Variants in ZNG1F observed in about 807,000 individuals in gnomAD.
ZNG1F encodes Zn regulated GTPase metalloprotein activator 1F.
At chr9:41,132,340 T>G in the ZNG1F span, 1 of 1,604,630 alleles carries the variant, frequency 6.2e-7, no homozygotes, top group East Asian at 2.2e-5. Context: ...GTGATTTGTC[T>G]TTGATTGACA....
At chr9:41,197,228 A>ATT in the ZNG1F span, among the ~76,000 whole-genome samples, 87 of 16,804 alleles carry the variant, frequency 5.2e-3, 21 homozygotes, top group African/African-American at 7.2e-3. Context: ...ATCATTCATC[A>ATT]TTTTTTTTTT....
At chr9:41,193,021 C>T in the ZNG1F span, among the ~76,000 whole-genome samples, 1 of 151,144 alleles carries the variant, frequency 6.6e-6, no homozygotes, top group South Asian at 2.1e-4. Flanking sequence ...GTGTTAAGCA[C>T]ATTAAATGCA....
the ZNG1F span, among the ~76,000 whole-genome samples, chr9:41,154,943 G>A: frequency 1.4e-5 from 2 of 146,174 alleles, no homozygotes; most frequent in Non-Finnish European, 3.0e-5. Flanking sequence ...CATAGGCATG[G>A]GCAAGGACTT....
At chr9:41,138,147 T>C in the ZNG1F span, among the ~76,000 whole-genome samples, 1 of 138,276 alleles carries the variant, frequency 7.2e-6, no homozygotes, top group African/African-American at 2.9e-5. Context: ...TGTTTCAAGA[T>C]TTAGAGTTCC....
At chr9:41,157,443 C>A in the ZNG1F span, 1 of 134,070 alleles carries the variant, frequency 7.5e-6, no homozygotes. Context: ...CAGCCTGGCA[C>A]AGAGTGAGAC....
the ZNG1F span, among the ~76,000 whole-genome samples, chr9:41,187,150 CAT>C: frequency 2.5e-4 from 36 of 146,452 alleles, 1 homozygote; most frequent in Non-Finnish European, 3.5e-4. Flanking sequence ...CACTTTAAGA[CAT>C]AGTTCATTCA....
At chr9:41,155,862 T>C in the ZNG1F span, among the ~76,000 whole-genome samples, 7 of 113,618 alleles carry the variant, frequency 6.2e-5, no homozygotes, top group African/African-American at 1.0e-4. Flanking sequence ...AGGGATAGCA[T>C]TGGGAGATAT....
At chr9:41,138,100 C>T in the ZNG1F span, among the ~76,000 whole-genome samples, 1 of 139,930 alleles carries the variant, frequency 7.1e-6, no homozygotes, top group East Asian at 2.1e-4. Flanking sequence ...GATATTTATG[C>T]TTTAAAGAGG....
the ZNG1F span, chr9:41,132,596 T>C: frequency 9.9e-6 from 13 of 1,309,404 alleles, no homozygotes; most frequent in Non-Finnish European, 1.3e-5. Context: ...CCTTTTCTAA[T>C]GATAAAGTTA....
At chr9:41,176,695 TA>T in the ZNG1F span, 4 of 148,374 alleles carry the variant, frequency 2.7e-5, no homozygotes, top group Non-Finnish European at 6.0e-5. Context: ...GAGAGTGGAG[TA>T]TTAAAAATAT....
At chr9:41,180,644 G>T in the ZNG1F span, among the ~76,000 whole-genome samples, 5 of 85,134 alleles carry the variant, frequency 5.9e-5, no homozygotes, top group African/African-American at 1.9e-4. Context: ...TTACCTACTT[G>T]TGTGTGTGTG....
chr9:41,199,807 T>C, the ZNG1F span, among the ~76,000 whole-genome samples: 10 of 151,960 alleles, frequency 6.6e-5, 1 homozygote, highest in East Asian at 1.9e-4. Context: ...TTGACTTCTG[T>C]GCACCCGCAG....
chr9:41,138,822 TTTGA>T, the ZNG1F span, among the ~76,000 whole-genome samples: 1 of 124,620 alleles, frequency 8.0e-6, no homozygotes, highest in Non-Finnish European at 1.6e-5. Context: ...TTCCTAAAGT[TTTGA>T]TTGTTTTTTA....
chr9:41,203,143 C>G, the ZNG1F span, among the ~76,000 whole-genome samples: 13 of 152,248 alleles, frequency 8.5e-5, no homozygotes, highest in African/African-American at 3.1e-4. Context: ...AGGCACATGA[C>G]ATCCACCTGT....
At chr9:41,155,991 TAAA>T in the ZNG1F span, among the ~76,000 whole-genome samples, 13 of 122,720 alleles carry the variant, frequency 1.1e-4, 2 homozygotes, top group Non-Finnish European at 1.5e-4. Flanking sequence ...AATAAATAAA[TAAA>T]TTTAAAAAAA....
At chr9:41,183,749 T>C in the ZNG1F span, 1 of 1,587,590 alleles carries the variant, frequency 6.3e-7, no homozygotes, top group South Asian at 1.1e-5. Context: ...AACTCAATAA[T>C]GGAGATCTTA....
the ZNG1F span, among the ~76,000 whole-genome samples, chr9:41,186,666 C>G: frequency 1.9e-4 from 6 of 31,812 alleles, 2 homozygotes; most frequent in African/African-American, 4.1e-4. Context: ...TATTGTAGTT[C>G]AATTGTATGA....
At chr9:41,187,653 G>A in the ZNG1F span, among the ~76,000 whole-genome samples, 2 of 147,166 alleles carry the variant, frequency 1.4e-5, no homozygotes, top group Admixed American at 6.9e-5. Flanking sequence ...TTAGTCAGGA[G>A]GCTTTTAGAG....
chr9:41,132,032 T>C, the ZNG1F span: 1 of 1,303,092 alleles, frequency 7.7e-7, no homozygotes, highest in South Asian at 1.5e-5. Context: ...TTAACCACTT[T>C]TCTAAAATTG....
Sources: gnomAD v4.1 joint callset for allele counts (sites outside exome capture counted in the v4.1 genomes callset) on GRCh38, gnomAD v4.1.1 for gene constraint, MANE v1.5 for transcripts, NCBI Gene and HGNC (gene_info 2026-07-23, HGNC 2026-07-21) for gene names.